Variants in ZNF70 observed in about 807,000 individuals in gnomAD.
ZNF70 encodes zinc finger protein N27C7-1.
In ZNF70, 18 loss-of-function variants were observed where a neutral mutation model predicts 37.7. The observed-to-expected ratio is 0.48, with a 90% confidence interval of 0.33 to 0.71. ZNF70 has a LOEUF of 0.71. Ranked by LOEUF, ZNF70 falls within the 30% of genes least tolerant of loss-of-function variation. ZNF70 has a pLI of 0.02. For missense variants in ZNF70, 506 were observed against 568.6 expected, an observed-to-expected ratio of 0.89 and a Z score of 1.12; for synonymous variants, 219 against 220.1, an observed-to-expected ratio of 0.99 and a Z score of 0.05.
intron 1 of ZNF70, among the ~76,000 whole-genome samples, chr22:23,747,064 TAC>T (rs1448231319): frequency 1.3e-5 from 2 of 152,232 alleles, no homozygotes; most frequent in African/African-American, 4.8e-5. Context: ...AATCCCAATG[TAC>T]ACAGTTGTTG....
At position 23,740,756 on chromosome 22, in the gene ZNF70, C is replaced by CAAAAAAAAAA. The variant is rs759244969; in HGVS notation, c.*3034_*3043dup. ...CCTGGGTGACAGTGAGACTCTGTCT[C>CAAAAAAAAAA]AAAAAAAAAAAAAAAAAAAAAAAAA... On this transcript the variant is annotated 3_prime_UTR_variant, in exon 2 of 2. Coordinates refer to ENST00000341976, the MANE Select transcript of ZNF70 (RefSeq NM_021916.4). 2.1e-5 allele frequency: 1 copy of CAAAAAAAAAA among 48,426 alleles called. No individual in the cohort carries two copies. Among genetic ancestry groups the CAAAAAAAAAA allele is most frequent in the Non-Finnish European group, 4.5e-5 (1 of 22,140 alleles). The allele number at this position is 48,426 out of a possible 1,614,324, so 3.0% of individuals were successfully genotyped here.
In ZNF70 at chr22:23,743,869, G is replaced by A. The variant is rs780407898; in HGVS notation, c.1272C>T (p.Cys424=). 2.5e-5 allele frequency: 40 copies of A among 1,614,068 alleles called. No homozygotes were observed. The highest frequency in any genetic ancestry group is 2.2e-5 in the East Asian group (1 of 44,896). Residue 424 remains cysteine, a synonymous_variant, in exon 2 of 2, where the codon TGC becomes TGT. Transcript: ENST00000341976. Reference sequence around the variant, plus strand: ...GCGAGCTCCCCCGGAAGGACTTGCCGCACAGATTGCACACGTAGGGCTTCT... The same window carrying A: ...GCGAGCTCCCCCGGAAGGACTTGCCACACAGATTGCACACGTAGGGCTTCT... ...TREKPYVCNL[C]GKSFRGSSHL... is the part of the protein sequence containing the mutation.
rs766913226 is a variant in ZNF70, at chr22:23,743,834, C to T, written c.1307G>A (p.Arg436His). 19 of 1,614,038 alleles carry T rather than the reference C, an allele frequency of 1.2e-5. No individual in the cohort carries two copies. Among genetic ancestry groups the T allele is most frequent in the Non-Finnish European group, 1.5e-5 (18 of 1,179,936 alleles). The change falls in exon 2 of 2, where the codon CGC becomes CAC. Residue 436 changes from arginine (R) to histidine (H), a missense_variant. Coordinates refer to ENST00000341976, the MANE Select transcript of ZNF70 (RefSeq NM_021916.4). ...CTCCCCAGAATGAATCTTCTGATGGCGAATCAGGTGCGAGCTCCCCCGGAA... is the reference window on the plus strand; with the variant it reads ...CTCCCCAGAATGAATCTTCTGATGGTGAATCAGGTGCGAGCTCCCCCGGAA... ...KSFRGSSHLIRHQKIHSGEKL is the reference protein window; with the variant it reads ...KSFRGSSHLIHHQKIHSGEKL
rs183311775 is a variant in ZNF70 at position 23,745,299 on chromosome 22, G to T, written c.-79-80C>A. 12 of 741,002 alleles carry T rather than the reference G, an allele frequency of 1.6e-5. No individual in the cohort carries two copies. The East Asian group carries it at 3.2e-4, about 20-fold the overall frequency. 45.9% of individuals were successfully genotyped at this position (741,002 alleles called of 1,614,324 possible). A position where few individuals can be genotyped will look rare whatever the true frequency, so the allele number is the denominator to read the frequency against. ...GCCTGCTTCATATCCTAGAATCTATGGTAGAAACAAGAAAATACGCATAAG... is the reference window on the plus strand; with the variant it reads ...GCCTGCTTCATATCCTAGAATCTATTGTAGAAACAAGAAAATACGCATAAG... On this transcript the variant is annotated intron_variant, in intron 1 of 1. Coordinates refer to ENST00000341976, the MANE Select transcript of ZNF70 (RefSeq NM_021916.4).
chr22:23,750,494 T>A (rs868668690), intron 1 of ZNF70, among the ~76,000 whole-genome samples: 5 of 152,110 alleles, frequency 3.3e-5, no homozygotes, highest in African/African-American at 1.2e-4. Flanking sequence ...AAGTTCTCTT[T>A]CTTGATATCT....
rs1264381759 is a variant in ZNF70, at chr22:23,741,451, T to G, written c.*2349A>C. ...GGACAATGGAGTGCTGGTTAAATGT[T>G]AAATGTTTCACATACGTAGCAAAGA... On this transcript the variant is annotated 3_prime_UTR_variant, in exon 2 of 2. Transcript: ENST00000341976. 6.6e-6 allele frequency: 1 copy of G among 152,200 alleles called. No individual in the cohort carries two copies. Among genetic ancestry groups the G allele is most frequent in the Non-Finnish European group, 1.5e-5 (1 of 68,054 alleles). 9.4% of individuals were successfully genotyped at this position (152,200 alleles called of 1,614,324 possible).
Position 23,744,874 on chromosome 22 carries a change from C to G in ZNF70, c.267G>C (p.Glu89Asp). The G allele has an allele frequency of 6.2e-7, 1 of 1,614,220 alleles. No homozygotes were observed. ...IPPGTRPQDD[E>D]LFGQTFLQKS... ...TCTGGAGGAAGGTTTGTCCGAAGAGCTCATCATCCTGGGGTCTGGTTCCTG... is the reference window on the plus strand; with the variant it reads ...TCTGGAGGAAGGTTTGTCCGAAGAGGTCATCATCCTGGGGTCTGGTTCCTG... Residue 89 changes from glutamate (E) to aspartate (D), a missense_variant, in exon 2 of 2, where the codon GAG (glutamate) becomes GAC (aspartate). By Grantham distance (45) the Glu-to-Asp change is conservative. Coordinates refer to ENST00000341976, the MANE Select transcript of ZNF70 (RefSeq NM_021916.4).
rs146443136 is a variant in ZNF70 at position 23,739,447 on chromosome 22, C to G, written c.*4353G>C. ...CACAGCTGCCTGTAGCCACCACGCA[C>G]GGCTAATTTTTTGTATTTTTAATAG... On this transcript the variant is annotated 3_prime_UTR_variant, in exon 2 of 2. Transcript: ENST00000341976. 6.6e-6 allele frequency: 1 copy of G among 151,142 alleles called. No homozygotes were observed. Among genetic ancestry groups the G allele is most frequent in the Non-Finnish European group, 1.5e-5 (1 of 67,876 alleles). 9.4% of individuals were successfully genotyped at this position (151,142 alleles called of 1,614,324 possible).
Position 23,739,925 on chromosome 22 carries a change from T to C in ZNF70, c.*3875A>G, listed in dbSNP as rs57056433. The stretch of plus-strand genomic sequence containing the variant: ...TTAGAAATATTTTTAAATAATAACA[T>C]TTGGGCAAAAGGAAATTCTTAATAC... On this transcript the variant is annotated 3_prime_UTR_variant, in exon 2 of 2. Transcript: ENST00000341976. 72,672 of 151,444 alleles carry C rather than the reference T, an allele frequency of 0.48. 19,560 individuals are homozygous for C. The highest frequency in any genetic ancestry group is 0.74 in the African/African-American group (30,419 of 41,352). 9.4% of individuals were successfully genotyped at this position (151,444 alleles called of 1,614,324 possible). A position where few individuals can be genotyped will look rare whatever the true frequency, so the allele number is the denominator to read the frequency against.
rs1924953293 is a variant in ZNF70, at chr22:23,743,531, T to C, written c.*269A>G. The C allele has an allele frequency of 2.4e-6, 1 of 424,032 alleles. No homozygotes were observed. The highest frequency in any genetic ancestry group is 3.7e-5 in the East Asian group (1 of 26,736). The allele number at this position is 424,032 out of a possible 1,614,324, so 26.3% of individuals were successfully genotyped here. ...AAATCCTGTAGGCTTGGGAGTCAAATGCAAGAAGGAGAAACTGAAGGCCAG... is the reference window on the plus strand; with the variant it reads ...AAATCCTGTAGGCTTGGGAGTCAAACGCAAGAAGGAGAAACTGAAGGCCAG... On this transcript the variant is annotated 3_prime_UTR_variant, in exon 2 of 2. Transcript: ENST00000341976.
intron 1 of ZNF70, among the ~76,000 whole-genome samples, chr22:23,749,527 CAAAAA>C (rs61374101): frequency 1.2e-4 from 3 of 24,110 alleles, no homozygotes; most frequent in South Asian, 2.6e-3. Context: ...GACTCCGTCT[CAAAAA>C]AAAAAAAAAA....
chr22:23,744,605 T>G lies in ZNF70; in HGVS notation c.536A>C (p.Gln179Pro), dbSNP rs771333430. The G allele has an allele frequency of 1.2e-6, 2 of 1,613,856 alleles. No homozygotes were observed. Among genetic ancestry groups the G allele is most frequent in the Non-Finnish European group, 8.5e-7 (1 of 1,179,858 alleles). The change falls in exon 2 of 2, where the codon CAG becomes CCG. Residue 179 changes from glutamine to proline, a missense_variant. Physicochemically the swap from Gln to Pro is moderately conservative, Grantham distance 76. Transcript: ENST00000341976. The stretch of plus-strand genomic sequence containing the variant: ...CTGGTGCCTGAGCAGGTGGGAGCTC[T>G]GGCTGAAGGCCTTCCCGCACTCACA... ...ECCECGKAFS[Q>P]SSHLLRHQII...
At position 23,740,875 on chromosome 22, in the gene ZNF70, C is replaced by A. The variant is rs921666971; in HGVS notation, c.*2925G>T. 2 of 151,926 alleles carry A rather than the reference C, an allele frequency of 1.3e-5. No homozygotes were observed. The highest frequency in any genetic ancestry group is 1.3e-4 in the Admixed American group (2 of 15,236). 9.4% of individuals were successfully genotyped at this position (151,926 alleles called of 1,614,324 possible). A position where few individuals can be genotyped will look rare whatever the true frequency, so the allele number is the denominator to read the frequency against. Reference sequence around the variant, plus strand: ...GGTCTTACCATGTTTATCTGTTAACCCTTGGGAGAGAGGGGGGATCTTCAT... The same window carrying A: ...GGTCTTACCATGTTTATCTGTTAACACTTGGGAGAGAGGGGGGATCTTCAT... On this transcript the variant is annotated 3_prime_UTR_variant, in exon 2 of 2. Transcript: ENST00000341976.
chr22:23,749,062 C>T (rs1038212733), intron 1 of ZNF70, among the ~76,000 whole-genome samples: 3 of 151,138 alleles, frequency 2.0e-5, no homozygotes, highest in African/African-American at 7.3e-5. Flanking sequence ...AACCCTGTCT[C>T]TATTAAAAAT....
intron 1 of ZNF70, among the ~76,000 whole-genome samples, chr22:23,746,016 GTC>G (rs1016255431): frequency 3.0e-4 from 45 of 152,220 alleles, no homozygotes; most frequent in African/African-American, 1.0e-3. Flanking sequence ...CATGGGCAGC[GTC>G]TCTGTCTCTC....
intron 1 of ZNF70, among the ~76,000 whole-genome samples, chr22:23,747,598 G>A (rs899620506): frequency 1.3e-5 from 2 of 152,108 alleles, no homozygotes; most frequent in East Asian, 1.9e-4. Context: ...TTGGGAAGCC[G>A]AGGTGGGCAG....
At chr22:23,745,335 G>A in intron 1 of ZNF70, 116 bp from the exon 2 acceptor site, 1 of 636,874 alleles carries the variant, frequency 1.6e-6, no homozygotes, top group South Asian at 2.1e-5. Context: ...ACACAATCTT[G>A]CCCTTAAGAT....
chr22:23,744,515 G>A lies in ZNF70; in HGVS notation c.626C>T (p.Ser209Leu), dbSNP rs774345576. 6.2e-6 allele frequency: 10 copies of A among 1,613,086 alleles called. No individual in the cohort carries two copies. The highest frequency in any genetic ancestry group is 8.5e-6 in the Non-Finnish European group (10 of 1,179,716). The stretch of plus-strand genomic sequence containing the variant: ...GATCTTTTGGTGTTGCGTGAGGGCT[G>A]AGCTCTGGCGGAAGGCCTTCCCACA... ...RECGKAFRQS[S>L]ALTQHQKIHT... Residue 209 changes from serine to leucine, a missense_variant, in exon 2 of 2, where the codon TCA becomes TTA. Transcript: ENST00000341976.
chr22:23,749,726 G>A (rs1363214127), intron 1 of ZNF70, among the ~76,000 whole-genome samples: 1 of 151,734 alleles, frequency 6.6e-6, no homozygotes, highest in Non-Finnish European at 1.5e-5. Flanking sequence ...GAGCCCCCTC[G>A]CCCAGCCCTA....
Sources: gnomAD v4.1 joint callset for allele counts (sites outside exome capture counted in the v4.1 genomes callset) on GRCh38, gnomAD v4.1.1 for gene constraint, MANE v1.5 for transcripts, NCBI Gene and HGNC (gene_info 2026-07-23, HGNC 2026-07-21) for gene names.